Variants in CSMD1 observed in about 807,000 individuals in gnomAD.
The protein encoded by CSMD1 is CUB and Sushi multiple domains 1, also known as CUB and sushi domain-containing protein 1.
Under a neutral mutation model 417.5 loss-of-function variants are expected in CSMD1, and 213 were observed. The ratio of observed to expected loss-of-function variants is 0.51; its 90% CI spans 0.46 to 0.57. CSMD1 has a LOEUF of 0.57. Among genes scored for constraint, CSMD1 ranks in the 20% least tolerant of loss-of-function variants. The probability of loss-of-function intolerance (pLI) is 0.00; values close to 1 mark genes in which losing one functional copy is unlikely to be tolerated. For missense variants in CSMD1, 6,923 were observed against 4,529.7 expected, an observed-to-expected ratio of 1.53 and a Z score of -15.17; for synonymous variants, 2,862 against 1,736.8, an observed-to-expected ratio of 1.65 and a Z score of -16.11.
chr8:3,922,034 T>G (rs2129144481), intron 5 of CSMD1, among the ~76,000 whole-genome samples: 1 of 152,156 alleles, frequency 6.6e-6, no homozygotes, highest in East Asian at 1.9e-4. Context: ...TCCAGTTCTG[T>G]TAATATTTGC....
intron 2 of CSMD1, among the ~76,000 whole-genome samples, chr8:4,511,427 T>C (rs1563244815): frequency 6.6e-6 from 1 of 152,214 alleles, no homozygotes; most frequent in Non-Finnish European, 1.5e-5. Context: ...TTCTGGTTTA[T>C]ACAGATTATT....
chr8:4,359,329 T>G (rs1466719527), intron 3 of CSMD1, among the ~76,000 whole-genome samples: 1 of 152,250 alleles, frequency 6.6e-6, no homozygotes, highest in African/African-American at 2.4e-5. Context: ...AGGGGCCAAA[T>G]AGGTACAACA....
chr8:4,000,272 T>C (rs1394801072), intron 4 of CSMD1, among the ~76,000 whole-genome samples: 1 of 152,090 alleles, frequency 6.6e-6, no homozygotes, highest in African/African-American at 2.4e-5. Flanking sequence ...GCACACACAC[T>C]TCCCTGGTCA....
At chr8:4,199,172 G>T (rs1397510625) in intron 3 of CSMD1, among the ~76,000 whole-genome samples, 1 of 152,060 alleles carries the variant, frequency 6.6e-6, no homozygotes, top group African/African-American at 2.4e-5. Context: ...CAGCACTGGG[G>T]ATGATCCTAC....
chr8:3,466,338 T>G lies in CSMD1; in HGVS notation c.1561+2374A>C, dbSNP rs540070853. On this transcript the variant is annotated intron_variant, in intron 12 of 69. Coordinates refer to ENST00000635120, the MANE Select transcript of CSMD1 (RefSeq NM_033225.6). ...CTGTGTTCCTAACACTAGATGTTAG[T>G]GAAAATCAGGCAACATCAAAACGTA... is the stretch of plus-strand genomic sequence containing the variant. Among the ~76,000 whole-genome samples the G allele has an allele frequency of 5.3e-5, 8 of 152,284 alleles. No individual in the cohort carries two copies. In the South Asian group the frequency reaches 1.7e-3, roughly 32 times the overall value.
intron 8 of CSMD1, among the ~76,000 whole-genome samples, chr8:3,604,299 C>CGG (rs111728496): frequency 1.3e-5 from 2 of 150,352 alleles, no homozygotes; most frequent in East Asian, 3.9e-4. Flanking sequence ...AGGGAGGCTG[C>CGG]GGGGGGGGAC....
intron 1 of CSMD1, among the ~76,000 whole-genome samples, chr8:4,832,805 T>C (rs2117450698): frequency 1.3e-5 from 2 of 152,246 alleles, no homozygotes; most frequent in East Asian, 1.9e-4. Context: ...GAGACATTCA[T>C]CCTCAGGGTC....
rs144365730 is a variant in CSMD1 at position 3,971,457 on chromosome 8, T to C, written c.818+26446A>G. 4.9e-3 allele frequency among the ~76,000 whole-genome samples: 749 copies of C among 152,330 alleles called. 22 individuals are homozygous for C. In the East Asian group the frequency reaches 0.056, roughly 11 times the overall value. On this transcript the variant is annotated intron_variant, in intron 5 of 69. Coordinates refer to ENST00000635120, the MANE Select transcript of CSMD1 (RefSeq NM_033225.6). The stretch of plus-strand genomic sequence containing the variant: ...TCTATAAGCTTTGGGATTCGACTAA[T>C]GCAATTGCAAGTTGACAACTTTAAA...
intron 2 of CSMD1, among the ~76,000 whole-genome samples, chr8:4,615,398 A>G (rs17070817): frequency 1.3e-5 from 2 of 152,220 alleles, no homozygotes; most frequent in African/African-American, 2.4e-5. Flanking sequence ...AAATTGTGAA[A>G]GAATAGCTCA....
chr8:4,519,512 G>C (rs559058250), intron 2 of CSMD1, among the ~76,000 whole-genome samples: 18 of 151,708 alleles, frequency 1.2e-4, no homozygotes, highest in Non-Finnish European at 2.5e-4. Context: ...GGCCAAGCAG[G>C]GTGGATCATC....
In CSMD1 at chr8:4,381,870, G is replaced by C. The variant is rs919324853; in HGVS notation, c.415+38083C>G. ...TCAGCATCACCTAGGCTCTCTTTGC[G>C]GACCTTTTTGGTTCCCTGCTATACA... On this transcript the variant is annotated intron_variant, in intron 3 of 69. Coordinates refer to ENST00000635120, the MANE Select transcript of CSMD1 (RefSeq NM_033225.6). 2.0e-5 allele frequency among the ~76,000 whole-genome samples: 3 copies of C among 151,992 alleles called. No homozygotes were observed. The South Asian group carries it at 6.2e-4, about 32-fold the overall frequency.
At chr8:4,177,077 G>C (rs1798089778) in intron 3 of CSMD1, among the ~76,000 whole-genome samples, 1 of 152,076 alleles carries the variant, frequency 6.6e-6, no homozygotes, top group Admixed American at 6.5e-5. Context: ...GCACCAAGCG[G>C]ACCTAATAGA....
intron 9 of CSMD1, among the ~76,000 whole-genome samples, chr8:3,577,663 C>G (rs1161662702): frequency 2.6e-5 from 4 of 152,158 alleles, no homozygotes; most frequent in Non-Finnish European, 4.4e-5. Context: ...AGTCACATAA[C>G]CTAACTGTAA....
At chr8:4,063,536 G>C (rs558835146) in intron 3 of CSMD1, among the ~76,000 whole-genome samples, 1 of 152,068 alleles carries the variant, frequency 6.6e-6, no homozygotes, top group African/African-American at 2.4e-5. Context: ...TTAATACCAA[G>C]AAAAATACTC....
At chr8:4,158,672 G>A (rs1314943685) in intron 3 of CSMD1, among the ~76,000 whole-genome samples, 1 of 152,076 alleles carries the variant, frequency 6.6e-6, no homozygotes, top group African/African-American at 2.4e-5. Context: ...CCGTAATAAT[G>A]AGTATTATGG....
Position 3,074,224 on chromosome 8 carries a change from C to A in CSMD1, c.7474+12873G>T, listed in dbSNP as rs192306976. On this transcript the variant is annotated intron_variant, in intron 49 of 69. Coordinates refer to ENST00000635120, the MANE Select transcript of CSMD1 (RefSeq NM_033225.6). Reference sequence around the variant, plus strand: ...TCATCTTCCAAGACAGCTACAAAGGCTCTCCCTCACATCCAGTCTTTCTCA... The same window carrying A: ...TCATCTTCCAAGACAGCTACAAAGGATCTCCCTCACATCCAGTCTTTCTCA... Among the ~76,000 whole-genome samples, 5 of 152,332 alleles carry A rather than the reference C, an allele frequency of 3.3e-5. No individual in the cohort carries two copies. In the East Asian group the frequency reaches 7.7e-4, roughly 23 times the overall value.
chr8:3,707,689 C>G (rs1399055035), intron 7 of CSMD1, among the ~76,000 whole-genome samples: 1 of 151,772 alleles, frequency 6.6e-6, no homozygotes, highest in African/African-American at 2.4e-5. Context: ...AAAGAAGGGT[C>G]TGCATAGTGA....
chr8:3,524,784 A>G (rs1797686632), intron 10 of CSMD1, among the ~76,000 whole-genome samples: 1 of 151,892 alleles, frequency 6.6e-6, no homozygotes, highest in South Asian at 2.1e-4. Flanking sequence ...GTGCACCGAG[A>G]GACATGCACA....
At chr8:3,037,354 C>G (rs924777778) in intron 50 of CSMD1, among the ~76,000 whole-genome samples, 1 of 137,024 alleles carries the variant, frequency 7.3e-6, no homozygotes, top group African/African-American at 2.7e-5. Context: ...TACAGGCGCC[C>G]GCCACCAAGC....
Sources: allele counts gnomAD v4.1 joint callset (sites outside exome capture counted in the v4.1 genomes callset), GRCh38; gene constraint gnomAD v4.1.1; transcripts MANE v1.5; gene names NCBI Gene and HGNC (gene_info 2026-07-23, HGNC 2026-07-21).